The following SPECC1L variants were observed in gnomAD, a reference collection of about 807,000 sequenced individuals.
SPECC1L encodes the protein cytospin-A.
SPECC1L carries 40 observed loss-of-function variants against 116.8 expected under a neutral mutation model. The observed-to-expected ratio is 0.34, with a 90% CI of 0.27 to 0.45. SPECC1L has a LOEUF of 0.45. Ranked by LOEUF, SPECC1L falls within the 20% of genes least tolerant of loss-of-function variation. The pLI is 1.00. For synonymous variants in SPECC1L, 504 were observed against 500.6 expected, an observed-to-expected ratio of 1.01 and a Z score of -0.09; for missense variants, 1,110 against 1,373.6, an observed-to-expected ratio of 0.81 and a Z score of 3.03.
At chr22:24,373,490 T>C (rs1156388503) in intron 14 of SPECC1L, among the ~76,000 whole-genome samples, 1 of 151,214 alleles carries the variant, frequency 6.6e-6, no homozygotes, top group African/African-American at 2.5e-5. Flanking sequence ...AACCATCTGA[T>C]CTTTGACAGA....
intron 14 of SPECC1L, among the ~76,000 whole-genome samples, chr22:24,373,761 G>C (rs8137395): frequency 0.078 from 11,842 of 151,972 alleles, 879 homozygotes; most frequent in African/African-American, 0.19. Flanking sequence ...CAACAAAAGC[G>C]AAAATTGACA....
intron 10 of SPECC1L, 149 bp from the exon 11 acceptor site, chr22:24,346,937 C>T (rs2041308274): frequency 1.4e-6 from 1 of 698,050 alleles, no homozygotes; most frequent in Admixed American, 2.2e-5. Context: ...TGATCACAGT[C>T]CATGCCTGTA....
intron 1 of SPECC1L, among the ~76,000 whole-genome samples, chr22:24,272,972 A>G (rs1378143144): frequency 2.0e-5 from 3 of 152,202 alleles, no homozygotes; most frequent in African/African-American, 7.2e-5. Flanking sequence ...GCCATAGGAA[A>G]GCTTTATCAC....
intron 12 of SPECC1L, among the ~76,000 whole-genome samples, chr22:24,364,966 A>T (rs1229043444): frequency 6.6e-6 from 1 of 152,176 alleles, no homozygotes; most frequent in Non-Finnish European, 1.5e-5. Context: ...TATGGAGTTC[A>T]GTGCATATTT....
At chr22:24,278,929 T>C (rs1432791946) in intron 2 of SPECC1L, among the ~76,000 whole-genome samples, 1 of 152,236 alleles carries the variant, frequency 6.6e-6, no homozygotes, top group Non-Finnish European at 1.5e-5. Context: ...TGTCAGTCCT[T>C]GGTAGCACAG....
At chr22:24,367,881 A>G (rs561725099) in intron 13 of SPECC1L, among the ~76,000 whole-genome samples, 8 of 152,286 alleles carry the variant, frequency 5.3e-5, no homozygotes, top group Middle Eastern at 3.4e-3. Flanking sequence ...CCACTTTGCT[A>G]TAATCACTGA....
chr22:24,301,987 A>G (rs1362041191), intron 2 of SPECC1L, among the ~76,000 whole-genome samples: 2 of 151,994 alleles, frequency 1.3e-5, no homozygotes, highest in African/African-American at 4.8e-5. Context: ...CGGAGCTTGC[A>G]GTGAGCCGAG....
chr22:24,387,356 T>G (rs1000778166), intron 14 of SPECC1L, among the ~76,000 whole-genome samples: 1 of 152,212 alleles, frequency 6.6e-6, no homozygotes, highest in Non-Finnish European at 1.5e-5. Context: ...GTGAGATTAA[T>G]CTATTATGAT....
chr22:24,289,712 T>A (rs1229864194), intron 2 of SPECC1L, among the ~76,000 whole-genome samples: 1 of 151,652 alleles, frequency 6.6e-6, no homozygotes, highest in Non-Finnish European at 1.5e-5. Context: ...TTTTTTTTTT[T>A]AGCATCCTAT....
chr22:24,314,197 A>C (rs1367712808), intron 4 of SPECC1L, among the ~76,000 whole-genome samples: 3 of 151,140 alleles, frequency 2.0e-5, no homozygotes, highest in Admixed American at 6.6e-5. Context: ...GGCGCCCACC[A>C]CCAAGCCCAG....
intron 2 of SPECC1L, among the ~76,000 whole-genome samples, chr22:24,290,194 G>A (rs539343952): frequency 6.6e-6 from 1 of 152,320 alleles, no homozygotes; most frequent in South Asian, 2.1e-4. Context: ...CAGAAAGGAG[G>A]GAATTGTGAG....
intron 14 of SPECC1L, among the ~76,000 whole-genome samples, chr22:24,411,167 G>A (rs1393250466): frequency 6.6e-6 from 1 of 151,904 alleles, no homozygotes. Flanking sequence ...CCAACCTGGT[G>A]ACAGAGTGAG....
Position 24,322,086 on chromosome 22 carries a change from CAG to C in SPECC1L, c.1109_1110del (p.Glu370ValfsTer20). On this transcript the variant is annotated frameshift_variant, in exon 5 of 17. Coordinates refer to ENST00000314328, the MANE Select transcript of SPECC1L (RefSeq NM_015330.6). LOFTEE classifies it high-confidence loss of function. ...GATGCGCTGGATGCACCATCCTCCT[CAG>C]AGTCGGAAGGCATCCCCAGCATAGA... 6.2e-7 allele frequency: 1 copy of C among 1,614,170 alleles called. No individual in the cohort carries two copies. Among genetic ancestry groups the C allele is most frequent in the Non-Finnish European group, 8.5e-7 (1 of 1,180,048 alleles).
chr22:24,349,563 A>G (rs752867406), intron 11 of SPECC1L, among the ~76,000 whole-genome samples: 8 of 152,118 alleles, frequency 5.3e-5, no homozygotes, highest in Non-Finnish European at 5.9e-5. Flanking sequence ...CCATTTTGAT[A>G]TTGAATATTC....
In SPECC1L at chr22:24,287,846, C is replaced by T. The variant is rs1349860548; in HGVS notation, c.-38+11043C>T. ...GGGGTTTAGTTTCTTTCCTTCTTGC[C>T]GGTGAGGTTTGAGAGGGACTGGAGA... is the stretch of plus-strand genomic sequence containing the variant. On this transcript the variant is annotated intron_variant, in intron 2 of 16. Transcript: ENST00000314328. Among the ~76,000 whole-genome samples, 5 of 152,056 alleles carry T rather than the reference C, an allele frequency of 3.3e-5. No individual in the cohort carries two copies. The South Asian group carries it at 6.2e-4, about 19-fold the overall frequency.
Position 24,278,669 on chromosome 22 carries a change from A to G in SPECC1L, c.-38+1866A>G, listed in dbSNP as rs562884925. Among the ~76,000 whole-genome samples the G allele has an allele frequency of 4.0e-3, 610 of 152,352 alleles. 6 individuals carry two copies. Among genetic ancestry groups the G allele is most frequent in the African/African-American group, 0.014 (569 of 41,582 alleles). On this transcript the variant is annotated intron_variant, in intron 2 of 16. Coordinates refer to ENST00000314328, the MANE Select transcript of SPECC1L (RefSeq NM_015330.6). ...AGAATTTAGGAAATAAATTAATTAC[A>G]TATATAGCATAGGGTTTCACCAGTG...
intron 11 of SPECC1L, among the ~76,000 whole-genome samples, chr22:24,350,566 T>C (rs1287498656): frequency 6.6e-6 from 1 of 152,146 alleles, no homozygotes; most frequent in Non-Finnish European, 1.5e-5. Flanking sequence ...GGCCCACAAG[T>C]CAAAGATTTT....
intron 14 of SPECC1L, 129 bp downstream of exon 14, chr22:24,369,449 C>A: frequency 1.3e-6 from 1 of 743,920 alleles, no homozygotes; most frequent in Non-Finnish European, 2.4e-6. Flanking sequence ...CACCTATAAT[C>A]CTAACACATT....
intron 14 of SPECC1L, among the ~76,000 whole-genome samples, chr22:24,385,020 G>T (rs534510198): frequency 6.8e-6 from 1 of 147,910 alleles, no homozygotes; most frequent in South Asian, 2.1e-4. Context: ...CTGAGATCGC[G>T]CCACTGAACT....
Sources: gnomAD v4.1 joint callset for allele counts (sites outside exome capture counted in the v4.1 genomes callset) on GRCh38, gnomAD v4.1.1 for gene constraint, MANE v1.5 for transcripts, NCBI Gene and HGNC (gene_info 2026-07-23, HGNC 2026-07-21) for gene names.